COL11A1: variants seen among roughly 807,000 people sequenced by gnomAD.
The protein encoded by COL11A1 is collagen alpha-1(XI) chain.
In COL11A1, 74 loss-of-function variants were observed where a neutral mutation model predicts 265.2. That is an observed-to-expected ratio of 0.28 (90% CI 0.23 to 0.34). The LOEUF (loss-of-function observed/expected upper bound fraction) is 0.34. Ranked by LOEUF, COL11A1 falls within the 10% of genes least tolerant of loss-of-function variation. The pLI, the probability that COL11A1 is intolerant of heterozygous loss-of-function variation, is 1.00. For synonymous variants in COL11A1, 816 were observed against 727.6 expected (o/e 1.12, Z -1.96); for missense variants, 2,165 against 2,263.6 (o/e 0.96, Z 0.88).
chr1:102,958,112 A>T (rs1459239892), intron 41 of COL11A1, among the ~76,000 whole-genome samples: 2 of 152,148 alleles, frequency 1.3e-5, no homozygotes, highest in East Asian at 3.8e-4. Flanking sequence ...AGGTAAAGTT[A>T]ACATAAGATT....
At chr1:102,982,631 TA>T (rs1663147282) in intron 31 of COL11A1, among the ~76,000 whole-genome samples, 1 of 152,096 alleles carries the variant, frequency 6.6e-6, no homozygotes, top group Non-Finnish European at 1.5e-5. Context: ...GTATTATTTT[TA>T]AATCACAGAT....
chr1:102,909,455 T>TA (rs1466072958), intron 54 of COL11A1, among the ~76,000 whole-genome samples: 1 of 152,260 alleles, frequency 6.6e-6, no homozygotes, highest in East Asian at 1.9e-4. Context: ...CTAAATGTAC[T>TA]AAAAAAGGAT....
Position 102,997,063 on chromosome 1 carries a change from G to T in COL11A1, c.2241+17C>A, listed in dbSNP as rs1388532498. The T allele has an allele frequency of 6.2e-7, 1 of 1,608,464 alleles. No homozygotes were observed. Among genetic ancestry groups the T allele is most frequent in the Non-Finnish European group, 8.5e-7 (1 of 1,175,536 alleles). On this transcript the variant is annotated intron_variant, in intron 26 of 66. Coordinates refer to ENST00000370096, the MANE Select transcript of COL11A1 (RefSeq NM_001854.4). ...AATTTATTAATAGGACATTTAAATG[G>T]ATACTTTGGAACCTACCAGAGCCCC...
At chr1:102,974,907 G>A (rs779403438) in intron 35 of COL11A1, 24 bp from the exon 36 acceptor site, 2 of 1,593,456 alleles carry the variant, frequency 1.3e-6, no homozygotes, top group East Asian at 2.2e-5. Flanking sequence ...GCAGTGGGGA[G>A]AAGTTAACAA....
intron 4 of COL11A1, among the ~76,000 whole-genome samples, chr1:103,035,000 A>T (rs994027639): frequency 6.6e-6 from 1 of 152,074 alleles, no homozygotes; most frequent in Non-Finnish European, 1.5e-5. Flanking sequence ...TTAGAGTGAG[A>T]TTTCCTTAAA....
At chr1:102,955,126 T>G (rs1051872760) in intron 41 of COL11A1, among the ~76,000 whole-genome samples, 1 of 152,154 alleles carries the variant, frequency 6.6e-6, no homozygotes, top group Non-Finnish European at 1.5e-5. Flanking sequence ...GAAAATGGAC[T>G]TTATCTTAAA....
chr1:102,960,495 GGA>G (rs1660797505), intron 41 of COL11A1, among the ~76,000 whole-genome samples: 1 of 150,920 alleles, frequency 6.6e-6, no homozygotes, highest in Non-Finnish European at 1.5e-5. Flanking sequence ...TGTGGGGGGG[GGA>G]ATTTTTACAA....
At chr1:102,900,192 A>G (rs56021131) in intron 54 of COL11A1, among the ~76,000 whole-genome samples, 2,923 of 152,234 alleles carry the variant, frequency 0.019, 91 homozygotes, top group African/African-American at 0.067. Flanking sequence ...TTAGACATTC[A>G]TTGTACCTCA....
rs1229074909 is a variant in COL11A1 at position 102,876,909 on chromosome 1, T to C, written c.*1110A>G. 2 of 152,354 alleles carry C rather than the reference T, an allele frequency of 1.3e-5. No homozygotes were observed. The highest frequency in any genetic ancestry group is 2.4e-5 in the African/African-American group (1 of 41,444). 9.4% of individuals were successfully genotyped at this position (152,354 alleles called of 1,614,324 possible). A position where few individuals can be genotyped will look rare whatever the true frequency, so the allele number is the denominator to read the frequency against. On this transcript the variant is annotated 3_prime_UTR_variant, in exon 67 of 67. Transcript: ENST00000370096. ...GGTCAAATGATTTATAAAATTATCT[T>C]GAAAGGAAAAAAGTAATATTTGTTG...
At chr1:103,097,477 G>A (rs776614168) in intron 1 of COL11A1, among the ~76,000 whole-genome samples, 1 of 149,900 alleles carries the variant, frequency 6.7e-6, no homozygotes, top group African/African-American at 2.5e-5. Context: ...AGTTTTCTTC[G>A]ACTTTACTAA....
intron 5 of COL11A1, 150 bp downstream of exon 5, chr1:103,030,966 A>T: frequency 1.0e-6 from 1 of 974,742 alleles, no homozygotes; most frequent in Non-Finnish European, 1.5e-6. Context: ...AAATATATTC[A>T]AGTCACTTTT....
At position 102,928,073 on chromosome 1, in the gene COL11A1, T is replaced by A. The variant is rs568394367; in HGVS notation, c.3601-4684A>T. Reference sequence around the variant, plus strand: ...AAGTACTAACTTATCTTGTTATGAGTCCTATGAGAGGACCCTTCTAATATC... The same window carrying A: ...AAGTACTAACTTATCTTGTTATGAGACCTATGAGAGGACCCTTCTAATATC... On this transcript the variant is annotated intron_variant, in intron 46 of 66. Coordinates refer to ENST00000370096, the MANE Select transcript of COL11A1 (RefSeq NM_001854.4). 4.6e-5 allele frequency among the ~76,000 whole-genome samples: 7 copies of A among 152,164 alleles called. No homozygotes were observed. In the East Asian group the frequency reaches 1.4e-3, roughly 29 times the overall value.
At chr1:103,039,104 G>C (rs993087146) in intron 4 of COL11A1, among the ~76,000 whole-genome samples, 5 of 152,140 alleles carry the variant, frequency 3.3e-5, no homozygotes, top group African/African-American at 1.2e-4. Context: ...GTCATTTCTG[G>C]AGTAAGGTCA....
chr1:103,021,992 GC>G (rs1553237577), intron 8 of COL11A1, among the ~76,000 whole-genome samples: 1 of 146,180 alleles, frequency 6.8e-6, no homozygotes, highest in Non-Finnish European at 1.5e-5. Context: ...GACTACAGGC[GC>G]CCGCCACCAC....
chr1:102,955,541 A>G (rs933816046), intron 41 of COL11A1, among the ~76,000 whole-genome samples: 10 of 152,168 alleles, frequency 6.6e-5, no homozygotes, highest in African/African-American at 2.4e-4. Flanking sequence ...GTAAAGATAG[A>G]AGGCTTTTAC....
At chr1:103,064,183 C>T (rs1670892557) in intron 4 of COL11A1, among the ~76,000 whole-genome samples, 1 of 152,096 alleles carries the variant, frequency 6.6e-6, no homozygotes, top group Non-Finnish European at 1.5e-5. Context: ...CATATTCATA[C>T]AACAATCACA....
At chr1:103,047,391 T>C (rs1233734520) in intron 4 of COL11A1, among the ~76,000 whole-genome samples, 1 of 152,208 alleles carries the variant, frequency 6.6e-6, no homozygotes, top group African/African-American at 2.4e-5. Context: ...AATTCACTCA[T>C]GATTTGGCTC....
intron 4 of COL11A1, among the ~76,000 whole-genome samples, chr1:103,045,740 G>A (rs1227175040): frequency 6.6e-6 from 1 of 151,836 alleles, no homozygotes; most frequent in Non-Finnish European, 1.5e-5. Flanking sequence ...TTAGCATTAG[G>A]TATATCTCCT....
intron 54 of COL11A1, 78 bp downstream of exon 54, chr1:102,912,081 C>A: frequency 2.6e-6 from 3 of 1,174,764 alleles, no homozygotes; most frequent in Non-Finnish European, 3.7e-6. Flanking sequence ...ATGCTGCCTG[C>A]AGCTTACACA....
Sources: allele counts gnomAD v4.1 joint callset (sites outside exome capture counted in the v4.1 genomes callset), GRCh38; gene constraint gnomAD v4.1.1; transcripts MANE v1.5; gene names NCBI Gene and HGNC (gene_info 2026-07-23, HGNC 2026-07-21).